B3GALT1: variants seen among roughly 807,000 people sequenced by gnomAD.
B3GALT1 encodes beta-1,3-galactosyltransferase 1.
Under a neutral mutation model 23.2 loss-of-function variants are expected in B3GALT1, and 10 were observed. The ratio of observed to expected loss-of-function variants is 0.43; its 90% CI spans 0.27 to 0.73. B3GALT1 has a LOEUF of 0.73. Ranked by LOEUF, B3GALT1 falls within the 30% of genes least tolerant of loss-of-function variation. B3GALT1 has a pLI of 0.21. For synonymous variants in B3GALT1, 156 were observed against 141.5 expected (o/e 1.10, Z -0.73); for missense variants, 299 against 405.4 (o/e 0.74, Z 2.25).
intron 2 of B3GALT1, among the ~76,000 whole-genome samples, chr2:167,521,264 C>G (rs924041223): frequency 6.6e-6 from 1 of 152,116 alleles, no homozygotes; most frequent in African/African-American, 2.4e-5. Context: ...GTGCCTCAAA[C>G]TAGATTCTGT....
intron 3 of B3GALT1, among the ~76,000 whole-genome samples, chr2:167,748,842 G>A (rs1393018306): frequency 1.3e-5 from 2 of 152,228 alleles, no homozygotes; most frequent in African/African-American, 4.8e-5. Context: ...CAGCATCTCT[G>A]TCCTTGTGTT....
intron 3 of B3GALT1, among the ~76,000 whole-genome samples, chr2:167,749,274 C>T: frequency 6.6e-6 from 1 of 152,146 alleles, no homozygotes; most frequent in Admixed American, 6.5e-5. Flanking sequence ...AGGTAACACT[C>T]AGGGAACTTT....
intron 2 of B3GALT1, among the ~76,000 whole-genome samples, chr2:167,505,013 A>T (rs1699899541): frequency 1.3e-5 from 2 of 152,038 alleles, no homozygotes; most frequent in African/African-American, 4.8e-5. Flanking sequence ...TTCTGTATGT[A>T]TTGATATAGA....
At chr2:167,637,193 C>T (rs556153020) in intron 2 of B3GALT1, among the ~76,000 whole-genome samples, 1 of 152,048 alleles carries the variant, frequency 6.6e-6, no homozygotes, top group South Asian at 2.1e-4. Flanking sequence ...TTCACTTCGA[C>T]TTTGTGGTGC....
At chr2:167,658,006 A>G (rs1008183192) in intron 3 of B3GALT1, among the ~76,000 whole-genome samples, 1 of 150,798 alleles carries the variant, frequency 6.6e-6, no homozygotes, top group Non-Finnish European at 1.5e-5. Context: ...CCACCAACAT[A>G]AAAGATAAAT....
chr2:167,553,980 A>T (rs1447883612), intron 2 of B3GALT1, among the ~76,000 whole-genome samples: 1 of 152,176 alleles, frequency 6.6e-6, no homozygotes, highest in Non-Finnish European at 1.5e-5. Flanking sequence ...CCCATCAAGC[A>T]TTTCAACCGT....
At chr2:167,607,203 AAAG>A (rs1207251335) in intron 2 of B3GALT1, among the ~76,000 whole-genome samples, 3 of 152,230 alleles carry the variant, frequency 2.0e-5, no homozygotes, top group African/African-American at 4.8e-5. Flanking sequence ...AAAGAAATAA[AAAG>A]AAGAGAAAGC....
At chr2:167,726,941 C>G (rs1229229145) in intron 3 of B3GALT1, among the ~76,000 whole-genome samples, 1 of 152,190 alleles carries the variant, frequency 6.6e-6, no homozygotes, top group Non-Finnish European at 1.5e-5. Flanking sequence ...TTGACCAAGG[C>G]TAGGGAAGAT....
chr2:167,790,988 C>G (rs1688429750), intron 3 of B3GALT1, among the ~76,000 whole-genome samples: 1 of 152,094 alleles, frequency 6.6e-6, no homozygotes, highest in Non-Finnish European at 1.5e-5. Flanking sequence ...GTTGATACGG[C>G]AAAATTCAAG....
chr2:167,570,285 C>T (rs1320611462), intron 2 of B3GALT1, among the ~76,000 whole-genome samples: 5 of 151,750 alleles, frequency 3.3e-5, no homozygotes, highest in Non-Finnish European at 5.9e-5. Context: ...GTGAACTCAT[C>T]GGGGCCTGGT....
chr2:167,551,127 A>T (rs1683736665), intron 2 of B3GALT1, among the ~76,000 whole-genome samples: 1 of 133,566 alleles, frequency 7.5e-6, no homozygotes, highest in Non-Finnish European at 1.5e-5. Context: ...GCCAGATCTT[A>T]GTCATAAAGC....
chr2:167,309,762 A>T (rs958433939), intron 1 of B3GALT1, among the ~76,000 whole-genome samples: 1 of 152,122 alleles, frequency 6.6e-6, no homozygotes, highest in African/African-American at 2.4e-5. Flanking sequence ...AGTTAATAAT[A>T]TGGTACTTTC....
chr2:167,810,230 G>A (rs907136683), intron 3 of B3GALT1, among the ~76,000 whole-genome samples: 1 of 151,024 alleles, frequency 6.6e-6, no homozygotes. Flanking sequence ...GCACTTCCTG[G>A]GTGAGGTGAT....
At chr2:167,794,071 C>A (rs938243923) in intron 3 of B3GALT1, among the ~76,000 whole-genome samples, 1 of 152,210 alleles carries the variant, frequency 6.6e-6, no homozygotes, top group African/African-American at 2.4e-5. Flanking sequence ...ACATATGATG[C>A]GCTTTTTGCT....
rs1325059552 is a variant in B3GALT1 at position 167,563,995 on chromosome 2, G to A, written c.-410+73718G>A. Among the ~76,000 whole-genome samples the A allele has an allele frequency of 4.8e-5, 7 of 146,140 alleles. No homozygotes were observed. The South Asian group carries it at 9.0e-4, about 19-fold the overall frequency. On this transcript the variant is annotated intron_variant, in intron 2 of 4. Transcript: ENST00000392690. ...TTCCGGACGGGGCAGCCGGCCGGAC[G>A]GGGGGCCGACCCTCCCACCTCCCTC...
intron 1 of B3GALT1, among the ~76,000 whole-genome samples, chr2:167,377,997 C>T (rs1007946028): frequency 1.3e-5 from 2 of 152,100 alleles, no homozygotes; most frequent in Admixed American, 6.6e-5. Flanking sequence ...CTTAGGCATC[C>T]CTTGTAAGGC....
rs117452568 is a variant in B3GALT1, at chr2:167,455,799, C to A, written c.-510-34378C>A. Among the ~76,000 whole-genome samples, 562 of 152,260 alleles carry A rather than the reference C, an allele frequency of 3.7e-3. 5 individuals carry two copies. The highest frequency in any genetic ancestry group is 0.014 in the South Asian group (67 of 4,812). The stretch of plus-strand genomic sequence containing the variant: ...TAGTGCTGGGATTAGAGACATGGGC[C>A]CTCACACCTGGCTGGATCTCTCCAT... On this transcript the variant is annotated intron_variant, in intron 1 of 4. Coordinates refer to ENST00000392690, the MANE Select transcript of B3GALT1 (RefSeq NM_020981.4).
intron 3 of B3GALT1, among the ~76,000 whole-genome samples, chr2:167,664,762 T>C (rs1360345677): frequency 2.0e-5 from 3 of 151,918 alleles, no homozygotes; most frequent in African/African-American, 7.3e-5. Context: ...GGCTCTCTGT[T>C]TGTCTGTTAT....
chr2:167,445,005 G>A (rs910746317), intron 1 of B3GALT1, among the ~76,000 whole-genome samples: 14 of 152,210 alleles, frequency 9.2e-5, no homozygotes, highest in Admixed American at 8.5e-4. Flanking sequence ...GGCATTTAGT[G>A]CTATAAATTT....
Sources: allele counts gnomAD v4.1 joint callset (sites outside exome capture counted in the v4.1 genomes callset), GRCh38; gene constraint gnomAD v4.1.1; transcripts MANE v1.5; gene names NCBI Gene and HGNC (gene_info 2026-07-23, HGNC 2026-07-21).